EXOC2: variants seen among roughly 807,000 people sequenced by gnomAD.
EXOC2 encodes exocyst complex component 2.
EXOC2 carries 70 observed loss-of-function variants against 131.8 expected under a neutral mutation model. The ratio of observed to expected loss-of-function variants is 0.53; its 90% CI spans 0.44 to 0.65. The LOEUF is 0.65. Ranked by LOEUF, EXOC2 falls within the 30% of genes least tolerant of loss-of-function variation. EXOC2 has a pLI of 0.00. For missense variants in EXOC2, 923 were observed against 1,108.6 expected (o/e 0.83, Z 2.38); for synonymous variants, 411 against 398.4 (o/e 1.03, Z -0.38).
Position 485,913 on chromosome 6 carries a change from C to T in EXOC2, c.*758G>A, listed in dbSNP as rs964256419. 6.6e-6 allele frequency: 1 copy of T among 152,272 alleles called. No homozygotes were observed. The highest frequency in any genetic ancestry group is 6.5e-5 in the Admixed American group (1 of 15,286). 9.4% of individuals were successfully genotyped at this position (152,272 alleles called of 1,614,324 possible). ...CAACACCTCAGAGTGTAACACAGTG[C>T]CCGTTACACATTCACACTCCATCAC... is the stretch of plus-strand genomic sequence containing the variant. On this transcript the variant is annotated 3_prime_UTR_variant, in exon 28 of 28. Transcript: ENST00000230449.
chr6:656,555 G>A, intron 1 of EXOC2: 3 of 1,596,500 alleles, frequency 1.9e-6, no homozygotes, highest in East Asian at 2.2e-5. Flanking sequence ...CGGGCAGATC[G>A]TGCACCACGC....
intron 14 of EXOC2, 29 bp from the exon 15 acceptor site, chr6:564,731 G>A: frequency 1.9e-6 from 3 of 1,579,570 alleles, no homozygotes; most frequent in Non-Finnish European, 2.6e-6. Flanking sequence ...GCATAACCGT[G>A]TTCAAATGTG....
intron 23 of EXOC2, among the ~76,000 whole-genome samples, chr6:503,124 C>G (rs1225328954): frequency 6.6e-6 from 1 of 151,584 alleles, no homozygotes; most frequent in Non-Finnish European, 1.5e-5. Flanking sequence ...GATGGTCTCT[C>G]TCCAAAAAGC....
intron 25 of EXOC2, among the ~76,000 whole-genome samples, chr6:494,733 A>G (rs2127472942): frequency 6.6e-6 from 1 of 152,328 alleles, no homozygotes; most frequent in South Asian, 2.1e-4. Flanking sequence ...TTCATTTCGC[A>G]TAATGCTCCT....
At chr6:677,194 G>A (rs12663843) in intron 1 of EXOC2, among the ~76,000 whole-genome samples, 279 of 26,896 alleles carry the variant, frequency 0.01, 42 homozygotes, top group East Asian at 0.058. Flanking sequence ...TCAGCATTAC[G>A]GAAAGGACAG....
At chr6:557,910 G>A (rs1757508086) in intron 17 of EXOC2, among the ~76,000 whole-genome samples, 1 of 152,104 alleles carries the variant, frequency 6.6e-6, no homozygotes, top group African/African-American at 2.4e-5. Flanking sequence ...CTTGAGAGAT[G>A]GGGTAGGAGG....
At chr6:577,240 C>T (rs969435761) in intron 11 of EXOC2, among the ~76,000 whole-genome samples, 1 of 152,126 alleles carries the variant, frequency 6.6e-6, no homozygotes, top group Non-Finnish European at 1.5e-5. Context: ...CCTCTGACTT[C>T]TCCCTTAATG....
At chr6:675,046 T>A (rs1229546271) in intron 1 of EXOC2, among the ~76,000 whole-genome samples, 1 of 151,980 alleles carries the variant, frequency 6.6e-6, no homozygotes, top group Non-Finnish European at 1.5e-5. Context: ...TAACAAAGGG[T>A]CTGGCCCATG....
intron 23 of EXOC2, among the ~76,000 whole-genome samples, chr6:508,081 C>T (rs1393561686): frequency 6.6e-6 from 1 of 152,170 alleles, no homozygotes; most frequent in Non-Finnish European, 1.5e-5. Flanking sequence ...TACACATTCT[C>T]TTCTTGAAAC....
chr6:622,084 G>T (rs1761319941), intron 4 of EXOC2, among the ~76,000 whole-genome samples: 1 of 152,338 alleles, frequency 6.6e-6, no homozygotes, highest in East Asian at 1.9e-4. Context: ...CACGGGCTTT[G>T]TCTCAACTCA....
intron 4 of EXOC2, among the ~76,000 whole-genome samples, chr6:627,153 TTTCC>T (rs1240662643): frequency 6.6e-6 from 1 of 151,616 alleles, no homozygotes; most frequent in Admixed American, 6.6e-5. Context: ...ACAGTCTGCC[TTTCC>T]TTCCTTTTAT....
chr6:685,143 C>T (rs542486004), intron 1 of EXOC2, among the ~76,000 whole-genome samples: 6 of 151,936 alleles, frequency 3.9e-5, no homozygotes, highest in African/African-American at 1.5e-4. Context: ...CACACACACA[C>T]ACACACACAA....
intron 1 of EXOC2, chr6:656,566 T>TGCGAGC (rs1763108958): frequency 6.3e-7 from 1 of 1,592,538 alleles, no homozygotes; most frequent in African/African-American, 1.3e-5. Context: ...TGCACCACGC[T>TGCGAGC]GCGAGCGCGG....
intron 23 of EXOC2, among the ~76,000 whole-genome samples, chr6:527,895 AAACTT>A (rs1765840047): frequency 7.4e-5 from 1 of 13,526 alleles, no homozygotes; most frequent in Non-Finnish European, 1.1e-4. Flanking sequence ...ATTTAACAGA[AAACTT>A]AAATAATACT....
chr6:649,172 G>A (rs1439479842), intron 1 of EXOC2, among the ~76,000 whole-genome samples: 6 of 152,118 alleles, frequency 3.9e-5, no homozygotes, highest in South Asian at 2.1e-4. Context: ...CTACAGGCCC[G>A]CACCACTGTG....
At chr6:660,200 C>T (rs1376138183) in intron 1 of EXOC2, among the ~76,000 whole-genome samples, 1 of 128,774 alleles carries the variant, frequency 7.8e-6, no homozygotes, top group African/African-American at 2.8e-5. Context: ...GATGGTCCTT[C>T]CCTACCCAAC....
chr6:562,734 T>A (rs781055905), intron 17 of EXOC2, 50 bp downstream of exon 17: 19 of 1,294,248 alleles, frequency 1.5e-5, no homozygotes, highest in Non-Finnish European at 2.0e-5. Flanking sequence ...ATAAACTATT[T>A]ATTTTAAATA....
chr6:671,240 C>G (rs1763849199), intron 1 of EXOC2, among the ~76,000 whole-genome samples: 1 of 151,738 alleles, frequency 6.6e-6, no homozygotes, highest in Non-Finnish European at 1.5e-5. Flanking sequence ...TCCTGTAGTC[C>G]CAGCTACCTG....
intron 3 of EXOC2, among the ~76,000 whole-genome samples, chr6:631,822 G>A (rs1402603759): frequency 6.6e-6 from 1 of 152,006 alleles, no homozygotes; most frequent in Non-Finnish European, 1.5e-5. Context: ...ATGTACACAT[G>A]CACGTACATG....
Sources: allele counts gnomAD v4.1 joint callset (sites outside exome capture counted in the v4.1 genomes callset), GRCh38; gene constraint gnomAD v4.1.1; transcripts MANE v1.5; gene names NCBI Gene and HGNC (gene_info 2026-07-23, HGNC 2026-07-21).